The following DACH2 variants were observed in gnomAD, a reference collection of about 807,000 sequenced individuals.
DACH2 encodes dachshund homolog 2.
In DACH2, 17 loss-of-function variants were observed where a neutral mutation model predicts 35.8. The observed-to-expected ratio is 0.48, with a 90% CI of 0.33 to 0.71. DACH2 has a LOEUF of 0.71. DACH2 is among the 30% of genes least tolerant of loss of function. The pLI is 0.02. For missense variants in DACH2, 469 were observed against 472.7 expected (o/e 0.99, Z 0.07); for synonymous variants, 195 against 177.3 (o/e 1.10, Z -0.79).
At chrX:86,434,470 T>C (rs980605173) in intron 2 of DACH2, among the ~76,000 whole-genome samples, 1 of 112,352 alleles carries the variant, frequency 8.9e-6, no homozygotes, top group African/African-American at 3.2e-5. Flanking sequence ...CTTCTCTTGA[T>C]GGCTCATTTC....
chrX:86,153,085 G>C (rs2030421711), intron 1 of DACH2, among the ~76,000 whole-genome samples: 1 of 111,477 alleles, frequency 9.0e-6, no homozygotes, highest in South Asian at 3.7e-4. Flanking sequence ...AATATTGTCA[G>C]ATTTCATGAC....
intron 3 of DACH2, among the ~76,000 whole-genome samples, chrX:86,525,597 A>C (rs1343216236): frequency 9.0e-6 from 1 of 111,673 alleles, no homozygotes; most frequent in Non-Finnish European, 1.9e-5. Flanking sequence ...ATATATGGCT[A>C]ATGAATTAAT....
intron 1 of DACH2, among the ~76,000 whole-genome samples, chrX:86,238,566 T>C (rs1177423541): frequency 1.8e-5 from 2 of 111,676 alleles, no homozygotes; most frequent in Non-Finnish European, 3.8e-5. Context: ...TCATTGCCCA[T>C]TTATTCAACT....
intron 7 of DACH2, among the ~76,000 whole-genome samples, chrX:86,761,280 T>C (rs754843367): frequency 9.0e-6 from 1 of 110,856 alleles, no homozygotes; most frequent in East Asian, 2.9e-4. Context: ...CACTTATGAG[T>C]GAGAACATGC....
chrX:86,708,106 T>A (rs187925477), intron 5 of DACH2, among the ~76,000 whole-genome samples: 12 of 108,535 alleles, frequency 1.1e-4, no homozygotes, highest in Non-Finnish European at 1.7e-4. Flanking sequence ...TAATAAAAAC[T>A]CTTAGAAAAA....
At chrX:86,356,630 G>C (rs7887580) in intron 1 of DACH2, among the ~76,000 whole-genome samples, 1 of 110,882 alleles carries the variant, frequency 9.0e-6, no homozygotes, top group Non-Finnish European at 1.9e-5. Flanking sequence ...GGACAATATG[G>C]CCATTTAAAC....
chrX:86,279,006 G>A (rs1460397375), intron 1 of DACH2, among the ~76,000 whole-genome samples: 2 of 111,757 alleles, frequency 1.8e-5, no homozygotes, highest in African/African-American at 3.3e-5. Flanking sequence ...CCTCCTCTAC[G>A]GGCAGGGCAT....
intron 6 of DACH2, among the ~76,000 whole-genome samples, chrX:86,719,948 T>A (rs1364155356): frequency 2.0e-5 from 2 of 101,576 alleles, no homozygotes; most frequent in Admixed American, 2.1e-4. Context: ...TTTTTCTTTT[T>A]TTTTTTTTTA....
chrX:86,373,537 A>T lies in DACH2; in HGVS notation c.489-3287A>T, dbSNP rs190675761. ...TACAATAGAGGAAGGAAGCAGGATT[A>T]AAAATGTAGGGGCAGTAGCTGTCAT... On this transcript the variant is annotated intron_variant, in intron 1 of 11. Coordinates refer to ENST00000373125, the MANE Select transcript of DACH2 (RefSeq NM_053281.3). Among the ~76,000 whole-genome samples, 517 of 111,097 alleles carry T rather than the reference A, an allele frequency of 4.7e-3. 7 individuals are homozygous for T. Among genetic ancestry groups the T allele is most frequent in the African/African-American group, 0.016 (486 of 30,693 alleles).
intron 1 of DACH2, among the ~76,000 whole-genome samples, chrX:86,372,473 C>T (rs768504113): frequency 5.4e-5 from 6 of 110,220 alleles, no homozygotes; most frequent in Non-Finnish European, 1.1e-4. Context: ...AACATAAATT[C>T]AACATAAATT....
At chrX:86,693,456 C>A (rs1220949059) in intron 4 of DACH2, among the ~76,000 whole-genome samples, 5 of 111,692 alleles carry the variant, frequency 4.5e-5, no homozygotes, top group Admixed American at 2.9e-4. Context: ...TTGACTTTGG[C>A]CACAAAAGAG....
intron 3 of DACH2, among the ~76,000 whole-genome samples, chrX:86,624,047 C>CAAAAAAAAA (rs1466830603): frequency 1.2e-4 from 2 of 16,341 alleles, no homozygotes; most frequent in African/African-American, 5.7e-4. Flanking sequence ...AACTCCGTCT[C>CAAAAAAAAA]AAAAAAACAA....
intron 1 of DACH2, among the ~76,000 whole-genome samples, chrX:86,259,657 C>T (rs1289568773): frequency 1.8e-5 from 2 of 111,619 alleles, no homozygotes; most frequent in Admixed American, 9.5e-5. Flanking sequence ...TAAATTAACC[C>T]GCTAGCATAG....
At position 86,651,018 on chromosome X, in the gene DACH2, G is replaced by C; in HGVS notation, c.641-18G>C. 8.5e-7 allele frequency: 1 copy of C among 1,176,074 alleles called. No individual in the cohort carries two copies. The highest frequency in any genetic ancestry group is 3.2e-5 in the East Asian group (1 of 31,569). On this transcript the variant is annotated intron_variant, in intron 3 of 11. Transcript: ENST00000373125. ...TTAATATAAATAAATAAATGGAATG[G>C]AATAATTCTGCTTTTAGGTATAACA...
intron 3 of DACH2, among the ~76,000 whole-genome samples, chrX:86,582,766 T>G (rs1178275472): frequency 9.1e-6 from 1 of 110,041 alleles, no homozygotes; most frequent in Non-Finnish European, 1.9e-5. Context: ...GATTCACTGC[T>G]AAAGTCTACC....
chrX:86,686,467 G>A (rs1335317366), intron 4 of DACH2, among the ~76,000 whole-genome samples: 1 of 110,019 alleles, frequency 9.1e-6, no homozygotes, highest in Non-Finnish European at 1.9e-5. Context: ...TCCTGACCTC[G>A]TGACCCACCC....
At chrX:86,274,479 A>G in intron 1 of DACH2, among the ~76,000 whole-genome samples, 2 of 16,170 alleles carry the variant, frequency 1.2e-4, no homozygotes, top group African/African-American at 4.9e-4. Flanking sequence ...TTTTTTTGAG[A>G]CGGAGTCTTT....
At chrX:86,819,995 C>T (rs1376814935) in intron 11 of DACH2, among the ~76,000 whole-genome samples, 2 of 111,503 alleles carry the variant, frequency 1.8e-5, no homozygotes, top group Non-Finnish European at 3.8e-5. Flanking sequence ...ATGAAGTTAA[C>T]ATCTTAATAA....
At chrX:86,303,017 G>A (rs966438928) in intron 1 of DACH2, among the ~76,000 whole-genome samples, 1 of 105,228 alleles carries the variant, frequency 9.5e-6, no homozygotes, top group African/African-American at 3.5e-5. Context: ...TTGCAGATGA[G>A]AAACTGAAGC....
Sources: gnomAD v4.1 joint callset for allele counts (sites outside exome capture counted in the v4.1 genomes callset) on GRCh38, gnomAD v4.1.1 for gene constraint, MANE v1.5 for transcripts, NCBI Gene and HGNC (gene_info 2026-07-23, HGNC 2026-07-21) for gene names.